Variants in SMCO2 observed in about 807,000 individuals in gnomAD.
SMCO2 encodes the protein single-pass membrane and coiled-coil domain-containing protein 2.
A neutral mutation model predicts 29.5 loss-of-function variants in SMCO2; 25 were observed. The ratio of observed to expected loss-of-function variants is 0.85; its 90% CI spans 0.62 to 1.18. SMCO2 has a LOEUF of 1.18. Among genes scored for constraint, SMCO2 ranks in the 50% most tolerant of loss-of-function variants. The pLI is 0.00. For missense variants in SMCO2, 348 were observed against 344.5 expected, an observed-to-expected ratio of 1.01 and a Z score of -0.08; for synonymous variants, 117 against 123.3, an observed-to-expected ratio of 0.95 and a Z score of 0.34.
At chr12:27,435,466 G>C in the SMCO2 span, among the ~76,000 whole-genome samples, 2 of 150,634 alleles carry the variant, frequency 1.3e-5, no homozygotes, top group African/African-American at 2.4e-5. Flanking sequence ...ACATTCTCCT[G>C]TTTGTTCTTT....
Position 27,467,299 on chromosome 12 carries a change from A to C in SMCO2, c.-11+324A>C, listed in dbSNP as rs559125810. Among the ~76,000 whole-genome samples the C allele has an allele frequency of 9.8e-5, 15 of 152,300 alleles. No individual in the cohort carries two copies. In the East Asian group the frequency reaches 2.5e-3, roughly 25 times the overall value. On this transcript the variant is annotated intron_variant, in intron 1 of 7. Transcript: ENST00000298876. ...GGGATTCACTCCATTTGTACCAAACAATCCTAGAAAGCCAATGGGGTAAGC... is the reference window on the plus strand; with the variant it reads ...GGGATTCACTCCATTTGTACCAAACCATCCTAGAAAGCCAATGGGGTAAGC...
chr12:27,477,725 T>C (rs548914559), intron 4 of SMCO2, among the ~76,000 whole-genome samples: 4 of 144,554 alleles, frequency 2.8e-5, no homozygotes, highest in African/African-American at 8.7e-5. Context: ...TAGTCTATTA[T>C]TTCAGCTCTT....
intron 4 of SMCO2, among the ~76,000 whole-genome samples, chr12:27,484,079 GT>G (rs1158846020): frequency 2.0e-5 from 3 of 152,058 alleles, no homozygotes; most frequent in Admixed American, 6.5e-5. Context: ...TTTTCCTCTT[GT>G]TGAAGGGCTT....
chr12:27,492,931 C>T (rs1289610907), intron 5 of SMCO2, among the ~76,000 whole-genome samples: 6 of 152,116 alleles, frequency 3.9e-5, no homozygotes, highest in Admixed American at 6.5e-5. Context: ...TAGAATCAAC[C>T]TAAATGCCCA....
the SMCO2 span, among the ~76,000 whole-genome samples, chr12:27,446,965 G>A: frequency 2.6e-5 from 4 of 152,196 alleles, no homozygotes; most frequent in Middle Eastern, 3.4e-3. Flanking sequence ...GGTTAGGGAC[G>A]GTGGCTGAGC....
chr12:27,460,718 T>C, the SMCO2 span, among the ~76,000 whole-genome samples: 21 of 152,210 alleles, frequency 1.4e-4, no homozygotes, highest in East Asian at 4.1e-3. Context: ...ATAAGTGGAC[T>C]CTCGCAGTTC....
chr12:27,490,328 A>G (rs965443271), intron 5 of SMCO2, among the ~76,000 whole-genome samples: 1 of 152,208 alleles, frequency 6.6e-6, no homozygotes, highest in Non-Finnish European at 1.5e-5. Flanking sequence ...AACAGAAAAT[A>G]GATTAGCAGT....
chr12:27,427,365 G>A, the SMCO2 span, among the ~76,000 whole-genome samples: 1 of 152,162 alleles, frequency 6.6e-6, no homozygotes, highest in South Asian at 2.1e-4. Flanking sequence ...GTGATGCTGA[G>A]GCATCTGGCC....
At chr12:27,423,852 G>A in the SMCO2 span, 1 of 152,154 alleles carries the variant, frequency 6.6e-6, no homozygotes, top group East Asian at 1.9e-4. Flanking sequence ...GGACTTGGGT[G>A]TTAGGGTGGA....
chr12:27,447,917 C>T, the SMCO2 span, among the ~76,000 whole-genome samples: 1 of 152,100 alleles, frequency 6.6e-6, no homozygotes, highest in Non-Finnish European at 1.5e-5. Flanking sequence ...GAGTGCCTCT[C>T]CTATGTGCTG....
chr12:27,465,002 C>A (rs1949487227), upstream of SMCO2, among the ~76,000 whole-genome samples: 1 of 135,910 alleles, frequency 7.4e-6, no homozygotes, highest in Non-Finnish European at 1.5e-5. Context: ...GCACTCCAGC[C>A]TGAGCAACAG....
chr12:27,453,055 A>G, the SMCO2 span, among the ~76,000 whole-genome samples: 4,933 of 152,264 alleles, frequency 0.032, 124 homozygotes, highest in East Asian at 0.12. Context: ...CTCACTGAGC[A>G]TTTCAAGTTG....
At chr12:27,438,576 A>G in the SMCO2 span, among the ~76,000 whole-genome samples, 1 of 152,210 alleles carries the variant, frequency 6.6e-6, no homozygotes, top group South Asian at 2.1e-4. Context: ...CCTGGAAGAC[A>G]TCATTCACTC....
chr12:27,435,297 CCCCCCGG>C, the SMCO2 span, among the ~76,000 whole-genome samples: 1 of 20,142 alleles, frequency 5.0e-5, no homozygotes, highest in Non-Finnish European at 3.6e-4. Context: ...CCCCCCCCCC[CCCCCCGG>C]CAATTGTGAC....
chr12:27,461,369 T>C, the SMCO2 span, among the ~76,000 whole-genome samples: 1 of 152,178 alleles, frequency 6.6e-6, no homozygotes, highest in African/African-American at 2.4e-5. Flanking sequence ...AATAGCATAG[T>C]ACTCAATAGG....
intron 4 of SMCO2, among the ~76,000 whole-genome samples, chr12:27,482,171 T>A (rs399692): frequency 0.12 from 18,424 of 152,206 alleles, 2,163 homozygotes; most frequent in African/African-American, 0.28. Context: ...TAAGCACTGT[T>A]TCCACTGCAT....
At position 27,475,742 on chromosome 12, in the gene SMCO2, G is replaced by A; in HGVS notation, c.362+829G>A. 1.3e-6 allele frequency: 2 copies of A among 1,495,342 alleles called. No homozygotes were observed. Among genetic ancestry groups the A allele is most frequent in the South Asian group, 1.4e-5 (1 of 73,182 alleles). The allele number at this position is 1,495,342 out of a possible 1,614,324, so 92.6% of individuals were successfully genotyped here. ...AAACACAGTGAAGAGGTAATTGTAG[G>A]GTGTTGGGGTTGGTCATAAAATAGC... On this transcript the variant is annotated intron_variant, in intron 4 of 7. Transcript: ENST00000298876.
chr12:27,477,190 A>G (rs1949593843), intron 4 of SMCO2, among the ~76,000 whole-genome samples: 1 of 123,666 alleles, frequency 8.1e-6, no homozygotes, highest in African/African-American at 2.8e-5. Context: ...TTTGCTGGGT[A>G]TAGTATTCTT....
At chr12:27,439,610 A>G in the SMCO2 span, among the ~76,000 whole-genome samples, 3 of 152,208 alleles carry the variant, frequency 2.0e-5, no homozygotes, top group Admixed American at 6.5e-5. Context: ...CAGAAAAACA[A>G]TTCAGAAATT....
Sources: allele counts gnomAD v4.1 joint callset (sites outside exome capture counted in the v4.1 genomes callset), GRCh38; gene constraint gnomAD v4.1.1; transcripts MANE v1.5; gene names NCBI Gene and HGNC (gene_info 2026-07-23, HGNC 2026-07-21).